Variants in FBH1 observed in about 807,000 individuals in gnomAD.
The protein encoded by FBH1 is DNA 3'-5' helicase 1.
In FBH1, 43 loss-of-function variants were observed where a neutral mutation model predicts 115.5. That is an observed-to-expected ratio of 0.37 (90% CI 0.29 to 0.48). The LOEUF (loss-of-function observed/expected upper bound fraction) is 0.48, where lower values mean the gene tolerates loss of function less well. FBH1 is among the 20% of genes least tolerant of loss of function. The pLI, the probability that FBH1 is intolerant of heterozygous loss-of-function variation, is 0.99. For missense variants in FBH1, 1,001 were observed against 1,337.3 expected, an observed-to-expected ratio of 0.75 and a Z score of 3.92; for synonymous variants, 524 against 507.8, an observed-to-expected ratio of 1.03 and a Z score of -0.43.
intron 1 of FBH1, among the ~76,000 whole-genome samples, chr10:5,902,773 A>C (rs899896754): frequency 2.0e-5 from 3 of 152,064 alleles, no homozygotes; most frequent in Non-Finnish European, 2.9e-5. Context: ...GTCTTCTAGA[A>C]AGTATAAGTA....
At chr10:5,920,843 T>C (rs547972808) in intron 13 of FBH1, among the ~76,000 whole-genome samples, 1 of 152,142 alleles carries the variant, frequency 6.6e-6, no homozygotes, top group African/African-American at 2.4e-5. Flanking sequence ...GAAAACCGCG[T>C]GGGCTGAGGC....
At chr10:5,899,643 A>C (rs1030916114) in intron 1 of FBH1, among the ~76,000 whole-genome samples, 2 of 152,174 alleles carry the variant, frequency 1.3e-5, no homozygotes, top group African/African-American at 4.8e-5. Context: ...GGAGTCCTGC[A>C]GCTGCTCCTG....
rs1433014053 is a variant in FBH1, at chr10:5,911,404, C to A, written c.1211+276C>A. On this transcript the variant is annotated intron_variant, in intron 6 of 20. Transcript: ENST00000362091. The surrounding 1 kb of genome is among the most constrained non-coding windows in gnomAD (Gnocchi z 5.4). ...GGGTCCTGCAGCCTTAGGGGAAGCCCCTCGCCAAGAGAAGCCTTTCTTATT... is the reference window on the plus strand; with the variant it reads ...GGGTCCTGCAGCCTTAGGGGAAGCCACTCGCCAAGAGAAGCCTTTCTTATT... Among the ~76,000 whole-genome samples the A allele has an allele frequency of 6.6e-6, 1 of 152,214 alleles. No individual in the cohort carries two copies. Among genetic ancestry groups the A allele is most frequent in the African/African-American group, 2.4e-5 (1 of 41,444 alleles).
chr10:5,899,247 G>A (rs1843190923), intron 1 of FBH1, among the ~76,000 whole-genome samples: 1 of 152,176 alleles, frequency 6.6e-6, no homozygotes, highest in Non-Finnish European at 1.5e-5. Flanking sequence ...GCTGGCCTGA[G>A]GTCCTGGGTC....
At chr10:5,894,992 T>G (rs905061262) in intron 1 of FBH1, 1 of 1,566,184 alleles carries the variant, frequency 6.4e-7, no homozygotes, top group African/African-American at 1.4e-5. Context: ...TGAATACTTT[T>G]ATGGTGCTGG....
Position 5,915,469 on chromosome 10 carries a change from T to G in FBH1, c.1463T>G (p.Val488Gly). The change falls in exon 9 of 21, where the codon GTG becomes GGG. Residue 488 changes from valine (V) to glycine (G), a missense_variant. Around this residue, in one of 4 missense-constraint regions of FBH1, gnomAD observed 521 missense variants for 811.0 expected, o/e 0.64. Transcript: ENST00000362091. This position sits in a 1 kb window ranked among gnomAD's most constrained non-coding sequence, Gnocchi z 5.2. ...EKWSQSRFLY[V>G]TFNKSIAKQA... ...TGGTCTCAGAGCAGGTTTCTGTATG[T>G]GACATTCAACAAGAGCATCGCAAAG... The G allele has an allele frequency of 1.2e-6, 2 of 1,614,198 alleles. No homozygotes were observed. The highest frequency in any genetic ancestry group is 1.7e-6 in the Non-Finnish European group (2 of 1,180,054).
rs765214132 is a variant in FBH1 at position 5,903,085 on chromosome 10, G to C, written c.67G>C (p.Ala23Pro). ...DCQHLARSHL[A>P]VTQPFGQRWT... ...CCAGCATTTGGCTCGGAGTCACTTGGCTGTGACCCAGCCCTTCGGTCAAAG... is the reference window on the plus strand; with the variant it reads ...CCAGCATTTGGCTCGGAGTCACTTGCCTGTGACCCAGCCCTTCGGTCAAAG... Residue 23 changes from alanine (A) to proline (P), a missense_variant, in exon 2 of 21, where the codon GCT becomes CCT. Around this residue, in one of 4 missense-constraint regions of FBH1, gnomAD observed 420 missense variants for 430.4 expected, o/e 0.98. Coordinates refer to ENST00000362091, the MANE Select transcript of FBH1 (RefSeq NM_178150.3). The C allele has an allele frequency of 2.5e-6, 4 of 1,613,840 alleles. No individual in the cohort carries two copies. The South Asian group carries it at 4.4e-5, about 18-fold the overall frequency.
Position 5,914,425 on chromosome 10 carries a change from C to G in FBH1, c.1396+156C>G, listed in dbSNP as rs76809206. 1.3e-5 allele frequency among the ~76,000 whole-genome samples: 2 copies of G among 152,208 alleles called. No homozygotes were observed. The highest frequency in any genetic ancestry group is 2.9e-5 in the Non-Finnish European group (2 of 68,032). ...ATAATCAATCTCAAAAGCAATTGGC[C>G]AAGGAATACTTACTTCCCCGGACCA... On this transcript the variant is annotated intron_variant, in intron 8 of 20. Transcript: ENST00000362091. This position sits in a 1 kb window ranked among gnomAD's most constrained non-coding sequence, Gnocchi z 5.2.
At chr10:5,927,575 G>A in intron 19 of FBH1, 34 bp downstream of exon 19, 3 of 1,542,498 alleles carry the variant, frequency 1.9e-6, no homozygotes, top group Non-Finnish European at 2.7e-6. Flanking sequence ...CTAACTTGAT[G>A]CCATTGAATG....
rs139426042 is a variant in FBH1, at chr10:5,933,909, C to G, written c.2830-2547C>G. Among the ~76,000 whole-genome samples, 2,453 of 152,266 alleles carry G rather than the reference C, an allele frequency of 0.016. 66 individuals are homozygous for G. The highest frequency in any genetic ancestry group is 0.055 in the African/African-American group (2,296 of 41,532). On this transcript the variant is annotated intron_variant, in intron 19 of 20. Coordinates refer to ENST00000362091, the MANE Select transcript of FBH1 (RefSeq NM_178150.3). The surrounding 1 kb of genome is among the most constrained non-coding windows in gnomAD (Gnocchi z 4.9). The stretch of plus-strand genomic sequence containing the variant: ...TGAAGTGATCCACTCGCCTCGGCCT[C>G]CCAAAGTGTTGGGATTATAGGCGTG...
Position 5,937,473 on chromosome 10 carries a change from C to A in FBH1, c.*193C>A. The A allele has an allele frequency of 2.1e-6, 1 of 466,620 alleles. No homozygotes were observed. The highest frequency in any genetic ancestry group is 6.6e-5 in the South Asian group (1 of 15,128). The allele number at this position is 466,620 out of a possible 1,614,324, so 28.9% of individuals were successfully genotyped here. On this transcript the variant is annotated 3_prime_UTR_variant, in exon 21 of 21. Coordinates refer to ENST00000362091, the MANE Select transcript of FBH1 (RefSeq NM_178150.3). ...AGACAGCCAGTCTCCACTTGCCTCC[C>A]CTCTGGATGTATCTGGTCAGGGAAG...
chr10:5,924,133 C>T lies in FBH1; in HGVS notation c.2399-178C>T. On this transcript the variant is annotated intron_variant, in intron 16 of 20. Coordinates refer to ENST00000362091, the MANE Select transcript of FBH1 (RefSeq NM_178150.3). This position sits in a 1 kb window ranked among gnomAD's most constrained non-coding sequence, Gnocchi z 6.2. ...TCAGTCGGAGACGGAGAGGCTACTG[C>T]ACTGCACTGACTTGCCCAGGGACAC... 1.6e-6 allele frequency: 1 copy of T among 624,926 alleles called. No individual in the cohort carries two copies. Among genetic ancestry groups the T allele is most frequent in the Non-Finnish European group, 2.8e-6 (1 of 354,578 alleles). 38.7% of individuals were successfully genotyped at this position (624,926 alleles called of 1,614,324 possible).
chr10:5,909,389 T>TA lies in FBH1; in HGVS notation c.1020+95_1020+96insA. 7.3e-7 allele frequency: 1 copy of TA among 1,367,022 alleles called. No individual in the cohort carries two copies. Among genetic ancestry groups the TA allele is most frequent in the Non-Finnish European group, 9.8e-7 (1 of 1,019,040 alleles). The allele number at this position is 1,367,022 out of a possible 1,614,324, so 84.7% of individuals were successfully genotyped here. On this transcript the variant is annotated intron_variant, in intron 5 of 20. Transcript: ENST00000362091. The surrounding 1 kb of genome is among the most constrained non-coding windows in gnomAD (Gnocchi z 4.4). Reference sequence around the variant, plus strand: ...TCAATTGAGGATGACTTTATATTTATTTTTAATGTCTGTATTTAATCTCTG... The same window carrying TA: ...TCAATTGAGGATGACTTTATATTTATATTTTAATGTCTGTATTTAATCTCTG...
At chr10:5,896,642 G>A (rs1034493075) in intron 1 of FBH1, among the ~76,000 whole-genome samples, 1 of 152,124 alleles carries the variant, frequency 6.6e-6, no homozygotes, top group African/African-American at 2.4e-5. Context: ...AATTTGGTGT[G>A]TAGGAGACCA....
In FBH1 at chr10:5,931,368, T is replaced by G. The variant is rs1308238821; in HGVS notation, c.2829+3827T>G. On this transcript the variant is annotated intron_variant, in intron 19 of 20. Transcript: ENST00000362091. The surrounding 1 kb of genome is among the most constrained non-coding windows in gnomAD (Gnocchi z 4.3). ...TTTACACATGTTCTCTTCATTCTCC[T>G]GGGTTTCAAAAGCTGCACCGTATCT... Among the ~76,000 whole-genome samples, 2 of 152,224 alleles carry G rather than the reference T, an allele frequency of 1.3e-5. No homozygotes were observed. The highest frequency in any genetic ancestry group is 1.5e-5 in the Non-Finnish European group (1 of 68,040).
In FBH1 at chr10:5,909,135, G is replaced by T. The variant is rs751209264; in HGVS notation, c.885-24G>T. ...AGTGCTTATGGTCACCCTACTCATG[G>T]CCTCTCCTGTGAATGTCTTACAGAT... On this transcript the variant is annotated intron_variant, in intron 4 of 20. Transcript: ENST00000362091. This position sits in a 1 kb window ranked among gnomAD's most constrained non-coding sequence, Gnocchi z 4.4. The T allele has an allele frequency of 6.2e-7, 1 of 1,613,334 alleles. No homozygotes were observed. Among genetic ancestry groups the T allele is most frequent in the Admixed American group, 1.7e-5 (1 of 60,018 alleles).
chr10:5,908,011 G>A (rs1374420099), intron 3 of FBH1, among the ~76,000 whole-genome samples: 2 of 152,156 alleles, frequency 1.3e-5, no homozygotes, highest in Non-Finnish European at 2.9e-5. Context: ...TTCTGTATAT[G>A]TTCGTTCAGC....
At position 5,933,561 on chromosome 10, in the gene FBH1, G is replaced by A. The variant is rs1243916273; in HGVS notation, c.2830-2895G>A. On this transcript the variant is annotated intron_variant, in intron 19 of 20. Transcript: ENST00000362091. This position sits in a 1 kb window ranked among gnomAD's most constrained non-coding sequence, Gnocchi z 4.9. ...TGTCTGCCCTCAGGGGTCCTGCGAGGAAGTCCCAGAAAAACTGCCTATTTG... is the reference window on the plus strand; with the variant it reads ...TGTCTGCCCTCAGGGGTCCTGCGAGAAAGTCCCAGAAAAACTGCCTATTTG... Among the ~76,000 whole-genome samples, 1 of 152,126 alleles carries A rather than the reference G, an allele frequency of 6.6e-6. No individual in the cohort carries two copies. The highest frequency in any genetic ancestry group is 1.5e-5 in the Non-Finnish European group (1 of 68,036).
chr10:5,910,653 T>G lies in FBH1; in HGVS notation c.1021-285T>G, dbSNP rs1333440390. Among the ~76,000 whole-genome samples the G allele has an allele frequency of 6.6e-6, 1 of 152,148 alleles. No individual in the cohort carries two copies. Among genetic ancestry groups the G allele is most frequent in the Non-Finnish European group, 1.5e-5 (1 of 68,032 alleles). On this transcript the variant is annotated intron_variant, in intron 5 of 20. Transcript: ENST00000362091. This position sits in a 1 kb window ranked among gnomAD's most constrained non-coding sequence, Gnocchi z 4.8. ...TGGGGAGATGACAGGGAGCTCATATTTTTAGACTGTCTCTCTGTCCAAGGT... is the reference window on the plus strand; with the variant it reads ...TGGGGAGATGACAGGGAGCTCATATGTTTAGACTGTCTCTCTGTCCAAGGT...
Sources: gnomAD v4.1 joint callset for allele counts (sites outside exome capture counted in the v4.1 genomes callset) on GRCh38, gnomAD v4.1.1 for gene constraint, gnomAD v4.1.1 regional missense constraint, Gnocchi (gnomAD v3.1) non-coding constraint, MANE v1.5 for transcripts, NCBI Gene and HGNC (gene_info 2026-07-23, HGNC 2026-07-21) for gene names.